ARCN1: variants seen among roughly 807,000 people sequenced by gnomAD.
The protein encoded by ARCN1 is coatomer subunit delta.
A neutral mutation model predicts 60.4 loss-of-function variants in ARCN1; 5 were observed. That is an observed-to-expected ratio of 0.08 (90% CI 0.04 to 0.17). ARCN1 has a LOEUF of 0.17. ARCN1 is among the 10% of genes least tolerant of loss of function. ARCN1 has a pLI of 1.00. For missense variants in ARCN1, 464 were observed against 626.5 expected (o/e 0.74, Z 2.77); for synonymous variants, 224 against 220.0 (o/e 1.02, Z -0.16).
At chr11:118,591,382 GT>G (rs1467246083) in intron 6 of ARCN1, among the ~76,000 whole-genome samples, 1 of 151,784 alleles carries the variant, frequency 6.6e-6, no homozygotes, top group Non-Finnish European at 1.5e-5. Context: ...AGTGATTTCT[GT>G]TTTGTTTTGT....
chr11:118,578,876 T>C (rs200606575), intron 1 of ARCN1, among the ~76,000 whole-genome samples: 21 of 1,746 alleles, frequency 0.012, no homozygotes, highest in East Asian at 0.062. Context: ...CCGTCTCTCT[T>C]TTTTTTTTTT....
At position 118,584,750 on chromosome 11, in the gene ARCN1, GT is replaced by G. The variant is rs1192547657; in HGVS notation, c.818+108del. 4 of 1,043,884 alleles carry G rather than the reference GT, an allele frequency of 3.8e-6. No homozygotes were observed. The African/African-American group carries it at 6.7e-5, about 17-fold the overall frequency. 64.7% of individuals were successfully genotyped at this position (1,043,884 alleles called of 1,614,324 possible). A position where few individuals can be genotyped will look rare whatever the true frequency, so the allele number is the denominator to read the frequency against. ...TAAATTCTTTCTCTGTCTTTTAATC[GT>G]TCCTGATTTAAAAGATTTATTCAGA... is the stretch of plus-strand genomic sequence containing the variant. On this transcript the variant is annotated intron_variant, in intron 5 of 9. Coordinates refer to ENST00000264028, the MANE Select transcript of ARCN1 (RefSeq NM_001655.5).
intron 9 of ARCN1, among the ~76,000 whole-genome samples, chr11:118,598,998 C>G (rs371874313): frequency 1.3e-5 from 2 of 150,514 alleles, no homozygotes; most frequent in Non-Finnish European, 3.0e-5. Flanking sequence ...TTCACCATAT[C>G]GGTCAGGCTG....
At chr11:118,595,074 T>C (rs1703306590) in intron 8 of ARCN1, among the ~76,000 whole-genome samples, 1 of 151,732 alleles carries the variant, frequency 6.6e-6, no homozygotes, top group Admixed American at 6.6e-5. Context: ...GGTCTCAAAC[T>C]CCTGTCCTCA....
chr11:118,579,776 G>T (rs539632652), intron 1 of ARCN1, among the ~76,000 whole-genome samples: 2 of 151,372 alleles, frequency 1.3e-5, no homozygotes, highest in African/African-American at 4.8e-5. Context: ...AATAAATAAA[G>T]TTTAATTTAG....
chr11:118,599,041 A>C (rs1591393307), intron 9 of ARCN1, among the ~76,000 whole-genome samples: 1 of 147,220 alleles, frequency 6.8e-6, no homozygotes, highest in Admixed American at 6.8e-5. Context: ...TGATCCGCCC[A>C]CCTCAGCCTC....
At chr11:118,573,480 C>T (rs948918084) in intron 1 of ARCN1, 7 of 492,052 alleles carry the variant, frequency 1.4e-5, no homozygotes, top group Non-Finnish European at 2.5e-5. Context: ...TCCTTTATCG[C>T]TGTGATTTGT....
At chr11:118,588,986 C>G (rs1297338610) in intron 5 of ARCN1, among the ~76,000 whole-genome samples, 3 of 152,118 alleles carry the variant, frequency 2.0e-5, no homozygotes, top group Non-Finnish European at 4.4e-5. Context: ...CCATTGCACT[C>G]CAGCCTGGGC....
rs1555074172 is a variant in ARCN1 at position 118,578,878 on chromosome 11, T to C, written c.4-2368T>C. On this transcript the variant is annotated intron_variant, in intron 1 of 9. Transcript: ENST00000264028. ...ACATGGCAAAACCCCGTCTCTCTTT[T>C]TTTTTTTTTTTTTTTTTTTTTTTTT... 7.6e-4 allele frequency among the ~76,000 whole-genome samples: 25 copies of C among 32,926 alleles called. No homozygotes were observed. In the East Asian group the frequency reaches 0.031, roughly 41 times the overall value. 21.6% of individuals were successfully genotyped at this position (32,926 alleles called of 152,430 possible).
chr11:118,580,819 G>A (rs782327223), intron 1 of ARCN1, among the ~76,000 whole-genome samples: 16 of 151,744 alleles, frequency 1.1e-4, no homozygotes, highest in African/African-American at 2.9e-4. Flanking sequence ...CACTGTGCCC[G>A]TGAAAGTCAG....
chr11:118,583,265 A>T lies in ARCN1; in HGVS notation c.354A>T (p.Ala118=), dbSNP rs1555074931. The T allele has an allele frequency of 6.2e-7, 1 of 1,614,184 alleles. No homozygotes were observed. Among genetic ancestry groups the T allele is most frequent in the Non-Finnish European group, 8.5e-7 (1 of 1,180,028 alleles). Residue 118 remains alanine, a synonymous_variant, in exon 3 of 10, where the codon GCA becomes GCT. Transcript: ENST00000264028. ...DLIFAFDEIV[A]LGYRENVNLA... is the part of the protein sequence containing the mutation. ...TTTTTGCTTTTGATGAAATTGTCGC[A>T]CTGGGATACCGGGAGAATGTTAACT...
intron 6 of ARCN1, among the ~76,000 whole-genome samples, chr11:118,591,480 C>T (rs1453125802): frequency 1.3e-5 from 2 of 152,182 alleles, no homozygotes; most frequent in Non-Finnish European, 2.9e-5. Flanking sequence ...CAACTTCTGC[C>T]TCCCCAGTTG....
chr11:118,575,315 G>A (rs782623548), intron 1 of ARCN1, among the ~76,000 whole-genome samples: 1 of 152,000 alleles, frequency 6.6e-6, no homozygotes, highest in Non-Finnish European at 1.5e-5. Context: ...TGTGTTTTGA[G>A]GGACAGCAAA....
intron 1 of ARCN1, among the ~76,000 whole-genome samples, chr11:118,578,874 CTTTTTTTTTTTTTTTTTTT>C (rs56050047): frequency 6.0e-5 from 5 of 83,454 alleles, no homozygotes; most frequent in African/African-American, 2.4e-4. Context: ...CCCCGTCTCT[CTTTTTTTTTTTTTTTTTTT>C]TTTTTTTTTT....
chr11:118,580,305 C>T (rs1555074374), intron 1 of ARCN1, among the ~76,000 whole-genome samples: 1 of 152,018 alleles, frequency 6.6e-6, no homozygotes, highest in Non-Finnish European at 1.5e-5. Context: ...GCTTAGGTGA[C>T]AAAGTGAGAC....
chr11:118,596,688 G>C (rs1939033258), intron 8 of ARCN1, among the ~76,000 whole-genome samples: 1 of 152,184 alleles, frequency 6.6e-6, no homozygotes, highest in Admixed American at 6.5e-5. Context: ...AGGAGTAGGT[G>C]ACACTGCCTG....
intron 4 of ARCN1, 57 bp from the exon 5 acceptor site, chr11:118,584,423 C>A: frequency 6.6e-7 from 1 of 1,514,400 alleles, no homozygotes. Flanking sequence ...TTCATCAGAT[C>A]ATGTGTGCTT....
chr11:118,600,022 G>A (rs1939115459), intron 9 of ARCN1, among the ~76,000 whole-genome samples: 1 of 152,188 alleles, frequency 6.6e-6, no homozygotes, highest in Non-Finnish European at 1.5e-5. Flanking sequence ...CAAAGATTAG[G>A]ACATTATAAT....
chr11:118,576,485 T>C (rs1240882394), intron 1 of ARCN1, among the ~76,000 whole-genome samples: 1 of 149,992 alleles, frequency 6.7e-6, no homozygotes, highest in Non-Finnish European at 1.5e-5. Flanking sequence ...TAATTCTTCC[T>C]CAGAGAAAAT....
Sources: allele counts gnomAD v4.1 joint callset (sites outside exome capture counted in the v4.1 genomes callset), GRCh38; gene constraint gnomAD v4.1.1; transcripts MANE v1.5; gene names NCBI Gene and HGNC (gene_info 2026-07-23, HGNC 2026-07-21).